SYN2: variants seen among roughly 807,000 people sequenced by gnomAD.
SYN2 encodes synapsin-2.
SYN2 carries 19 observed loss-of-function variants against 50.9 expected under a neutral mutation model. The ratio of observed to expected loss-of-function variants is 0.37; its 90% CI spans 0.26 to 0.55. The LOEUF is 0.55. Among genes scored for constraint, SYN2 ranks in the 20% least tolerant of loss-of-function variants. SYN2 has a pLI of 0.81. For missense variants in SYN2, 587 were observed against 576.4 expected, an observed-to-expected ratio of 1.02 and a Z score of -0.19; for synonymous variants, 255 against 224.9, an observed-to-expected ratio of 1.13 and a Z score of -1.20.
At chr3:12,036,957 A>C (rs1346264059) in intron 1 of SYN2, among the ~76,000 whole-genome samples, 1 of 152,210 alleles carries the variant, frequency 6.6e-6, no homozygotes, top group Non-Finnish European at 1.5e-5. Flanking sequence ...TCCTCCTACC[A>C]GATATCCTAG....
At chr3:12,173,948 C>T (rs2125247039) in intron 10 of SYN2, among the ~76,000 whole-genome samples, 1 of 152,266 alleles carries the variant, frequency 6.6e-6, no homozygotes, top group South Asian at 2.1e-4. Context: ...GTCCAGTGGT[C>T]ACTTTTGTTC....
At chr3:12,033,170 G>A (rs1355723643) in intron 1 of SYN2, among the ~76,000 whole-genome samples, 1 of 151,898 alleles carries the variant, frequency 6.6e-6, no homozygotes, top group Admixed American at 6.6e-5. Flanking sequence ...CCTGCTGGGG[G>A]GTGCCTCCCA....
chr3:12,071,524 T>G (rs1170360208), intron 1 of SYN2: 2 of 364,334 alleles, frequency 5.5e-6, no homozygotes, highest in Admixed American at 6.6e-5. Flanking sequence ...AGCACTTGAT[T>G]GTAGAACTTG....
At chr3:12,021,831 G>A (rs907823309) in intron 1 of SYN2, among the ~76,000 whole-genome samples, 10 of 152,062 alleles carry the variant, frequency 6.6e-5, no homozygotes, top group Admixed American at 1.3e-4. Context: ...TTGGGAGGCC[G>A]AGGTGGGCAG....
intron 11 of SYN2, chr3:12,185,737 T>G (rs1474459137): frequency 1.0e-6 from 1 of 985,898 alleles, no homozygotes; most frequent in East Asian, 1.1e-4. Flanking sequence ...TCTTCAGTGT[T>G]AAGTTGTAAC....
intron 7 of SYN2, among the ~76,000 whole-genome samples, chr3:12,166,531 T>C (rs1697802692): frequency 6.6e-6 from 1 of 152,122 alleles, no homozygotes; most frequent in Non-Finnish European, 1.5e-5. Context: ...CAACACATAT[T>C]CATGGATGGA....
intron 1 of SYN2, among the ~76,000 whole-genome samples, chr3:12,046,464 G>T (rs914985303): frequency 2.0e-5 from 3 of 152,172 alleles, no homozygotes; most frequent in African/African-American, 7.2e-5. Context: ...TCATGCAGAG[G>T]CTTATAGGCT....
intron 10 of SYN2, among the ~76,000 whole-genome samples, chr3:12,178,953 C>CCATG (rs1467906589): frequency 6.6e-6 from 1 of 152,222 alleles, no homozygotes; most frequent in East Asian, 1.9e-4. Flanking sequence ...ATACTGTGCA[C>CCATG]CATGCCCTTT....
At chr3:12,053,250 G>A (rs551714052) in intron 1 of SYN2, among the ~76,000 whole-genome samples, 14 of 151,632 alleles carry the variant, frequency 9.2e-5, no homozygotes, top group Non-Finnish European at 1.9e-4. Flanking sequence ...GTGAAACCCC[G>A]TCTCTACTAA....
At chr3:12,052,677 T>G (rs1230135548) in intron 1 of SYN2, among the ~76,000 whole-genome samples, 1 of 152,168 alleles carries the variant, frequency 6.6e-6, no homozygotes, top group Non-Finnish European at 1.5e-5. Flanking sequence ...GAGGAGAGAC[T>G]AGAGGCGAGA....
At chr3:12,063,017 A>G (rs1449918620) in intron 1 of SYN2, among the ~76,000 whole-genome samples, 1 of 151,990 alleles carries the variant, frequency 6.6e-6, no homozygotes, top group Admixed American at 6.6e-5. Flanking sequence ...ATTATATGCC[A>G]TTTTGGAAAA....
chr3:12,117,881 G>T (rs1224023398), intron 1 of SYN2, among the ~76,000 whole-genome samples: 4 of 152,124 alleles, frequency 2.6e-5, no homozygotes, highest in Non-Finnish European at 4.4e-5. Flanking sequence ...GGCCCTCTGT[G>T]CCACACTCCA....
intron 1 of SYN2, among the ~76,000 whole-genome samples, chr3:12,077,297 TC>T (rs776549539): frequency 3.9e-5 from 6 of 152,084 alleles, no homozygotes; most frequent in Non-Finnish European, 5.9e-5. Context: ...AGAATTTTTT[TC>T]CTTTTTTTTT....
rs547216635 is a variant in SYN2 at position 12,140,792 on chromosome 3, A to C, written c.435+84A>C. ...CAGAGTGAACCATCTCGTTCTGCTG[A>C]GTGGAATACTGTGTCCATCATTGGG... On this transcript the variant is annotated intron_variant, in intron 2 of 12. Coordinates refer to ENST00000621198, the MANE Select transcript of SYN2 (RefSeq NM_133625.6). 24 of 717,000 alleles carry C rather than the reference A, an allele frequency of 3.3e-5. 1 individual carries two copies. The South Asian group carries it at 3.4e-4, about 10-fold the overall frequency. The allele number at this position is 717,000 out of a possible 1,614,324, so 44.4% of individuals were successfully genotyped here.
intron 1 of SYN2, among the ~76,000 whole-genome samples, chr3:12,090,572 G>A (rs1301769230): frequency 1.3e-5 from 2 of 152,132 alleles, no homozygotes; most frequent in African/African-American, 4.8e-5. Flanking sequence ...AAGACAGTTG[G>A]ACTAACTTTC....
chr3:12,005,659 C>G (rs73135628), intron 1 of SYN2, among the ~76,000 whole-genome samples: 28 of 147,050 alleles, frequency 1.9e-4, no homozygotes, highest in African/African-American at 7.0e-4. Context: ...GTAGCTTTTT[C>G]TAGCTGAAAG....
chr3:12,022,736 CAG>C (rs1329047151), intron 1 of SYN2, among the ~76,000 whole-genome samples: 1 of 150,504 alleles, frequency 6.6e-6, no homozygotes, highest in African/African-American at 2.5e-5. Context: ...TTTGTAGAGA[CAG>C]AGTCTTGTTA....
chr3:12,118,906 T>C (rs932120768), intron 1 of SYN2, among the ~76,000 whole-genome samples: 1 of 152,230 alleles, frequency 6.6e-6, no homozygotes, highest in African/African-American at 2.4e-5. Context: ...AATATTCTCA[T>C]TTCAGCATGT....
At chr3:12,130,221 T>A (rs965189103) in intron 1 of SYN2, among the ~76,000 whole-genome samples, 2 of 137,190 alleles carry the variant, frequency 1.5e-5, no homozygotes, top group African/African-American at 5.3e-5. Context: ...GAGAGATGTG[T>A]ATGCATCTCT....
Sources: gnomAD v4.1 joint callset for allele counts (sites outside exome capture counted in the v4.1 genomes callset) on GRCh38, gnomAD v4.1.1 for gene constraint, MANE v1.5 for transcripts, NCBI Gene and HGNC (gene_info 2026-07-23, HGNC 2026-07-21) for gene names.